The following RGS17 variants were observed in gnomAD, a reference collection of about 807,000 sequenced individuals.
RGS17 encodes regulator of G-protein signaling 17.
Under a neutral mutation model 25.5 loss-of-function variants are expected in RGS17, and 12 were observed. The ratio of observed to expected loss-of-function variants is 0.47; its 90% CI spans 0.30 to 0.76. RGS17 has a LOEUF of 0.76. Ranked by LOEUF, RGS17 falls within the 30% of genes least tolerant of loss-of-function variation. The probability of loss-of-function intolerance (pLI) is 0.07; values close to 1 mark genes in which losing one functional copy is unlikely to be tolerated. For missense variants in RGS17, 196 were observed against 242.2 expected (o/e 0.81, Z 1.27); for synonymous variants, 71 against 76.9 (o/e 0.92, Z 0.40).
At chr6:153,019,250 C>T (rs1360022094) in intron 4 of RGS17, among the ~76,000 whole-genome samples, 1 of 152,208 alleles carries the variant, frequency 6.6e-6, no homozygotes, top group Non-Finnish European at 1.5e-5. Flanking sequence ...CTGGTAACGA[C>T]AACGCCATCA....
At chr6:153,054,251 A>G (rs1776521563) in intron 1 of RGS17, among the ~76,000 whole-genome samples, 1 of 150,682 alleles carries the variant, frequency 6.6e-6, no homozygotes, top group Non-Finnish European at 1.5e-5. Flanking sequence ...CAATATTGAA[A>G]CATTCAGAGG....
intron 1 of RGS17, among the ~76,000 whole-genome samples, chr6:153,120,834 G>C (rs1278090075): frequency 7.7e-6 from 1 of 130,140 alleles, no homozygotes; most frequent in East Asian, 3.4e-4. Flanking sequence ...CATTGTTTTT[G>C]AGCCTGGAGA....
At chr6:153,074,901 C>T (rs1029592758) in intron 1 of RGS17, among the ~76,000 whole-genome samples, 3 of 152,108 alleles carry the variant, frequency 2.0e-5, no homozygotes, top group Non-Finnish European at 2.9e-5. Context: ...TCTTTGGAAG[C>T]ACACTTTTAC....
At chr6:153,090,622 G>A (rs1305094969) in intron 1 of RGS17, among the ~76,000 whole-genome samples, 1 of 151,650 alleles carries the variant, frequency 6.6e-6, no homozygotes, top group Non-Finnish European at 1.5e-5. Flanking sequence ...ATGAGGCCTT[G>A]TCACAAAAAA....
Position 153,044,402 on chromosome 6 carries a change from T to C in RGS17, c.-25-359A>G, listed in dbSNP as rs901388435. ...TTTTATGGACACCATTCGGTGATTA[T>C]AGAGGGTGTATGTAACTCGTTTTTC... is the stretch of plus-strand genomic sequence containing the variant. On this transcript the variant is annotated intron_variant, in intron 1 of 4. Coordinates refer to ENST00000206262, the MANE Select transcript of RGS17 (RefSeq NM_012419.5). 2.0e-5 allele frequency among the ~76,000 whole-genome samples: 3 copies of C among 152,208 alleles called. 1 individual carries two copies. The highest frequency in any genetic ancestry group is 1.3e-4 in the Admixed American group (2 of 15,276).
chr6:153,086,770 T>G (rs1475909094), intron 1 of RGS17, among the ~76,000 whole-genome samples: 1 of 152,218 alleles, frequency 6.6e-6, no homozygotes, highest in Non-Finnish European at 1.5e-5. Context: ...ATGTCCCATA[T>G]GAACCCAGGA....
chr6:153,069,548 TAGCACA>T (rs1214110819), intron 1 of RGS17, among the ~76,000 whole-genome samples: 2 of 152,162 alleles, frequency 1.3e-5, no homozygotes, highest in Non-Finnish European at 2.9e-5. Context: ...TACCATTTGA[TAGCACA>T]ACAGTGTGAC....
chr6:153,079,920 A>G lies in RGS17; in HGVS notation c.-25-35877T>C, dbSNP rs904916438. 1.5e-4 allele frequency among the ~76,000 whole-genome samples: 23 copies of G among 152,176 alleles called. No individual in the cohort carries two copies. The South Asian group carries it at 3.1e-3, about 21-fold the overall frequency. On this transcript the variant is annotated intron_variant, in intron 1 of 4. Coordinates refer to ENST00000206262, the MANE Select transcript of RGS17 (RefSeq NM_012419.5). ...AGTTATTTGGACCTTATTTGGGGAG[A>G]AGTTTTAAAGTTTTGGATTCCAAAC...
intron 1 of RGS17, among the ~76,000 whole-genome samples, chr6:153,093,824 T>C (rs1777167147): frequency 6.6e-6 from 1 of 152,156 alleles, no homozygotes; most frequent in Non-Finnish European, 1.5e-5. Flanking sequence ...GTCAGGGGAC[T>C]TGAACTTCAG....
chr6:153,076,450 A>C (rs904075278), intron 1 of RGS17, among the ~76,000 whole-genome samples: 2 of 152,186 alleles, frequency 1.3e-5, no homozygotes, highest in African/African-American at 4.8e-5. Context: ...TCCACTGGAA[A>C]GTCTCAGAAG....
At chr6:153,060,155 G>T (rs151239776) in intron 1 of RGS17, among the ~76,000 whole-genome samples, 1 of 152,164 alleles carries the variant, frequency 6.6e-6, no homozygotes, top group African/African-American at 2.4e-5. Context: ...AGAAGGACAC[G>T]GAGTGTCCTA....
At chr6:153,042,903 A>T (rs1485033569) in intron 2 of RGS17, among the ~76,000 whole-genome samples, 2 of 152,222 alleles carry the variant, frequency 1.3e-5, no homozygotes, top group African/African-American at 4.8e-5. Context: ...GATGACTCCA[A>T]CATATGGGCC....
At chr6:153,122,780 A>G (rs1777650817) in intron 1 of RGS17, among the ~76,000 whole-genome samples, 1 of 152,054 alleles carries the variant, frequency 6.6e-6, no homozygotes, top group Non-Finnish European at 1.5e-5. Flanking sequence ...ATGTATGAAA[A>G]GCAAAGATGC....
intron 1 of RGS17, among the ~76,000 whole-genome samples, chr6:153,086,039 C>T (rs1224756421): frequency 6.6e-6 from 1 of 152,120 alleles, no homozygotes; most frequent in Non-Finnish European, 1.5e-5. Flanking sequence ...AAGATAATTA[C>T]GTCCCTACTA....
chr6:153,081,635 C>T (rs1776982524), intron 1 of RGS17, among the ~76,000 whole-genome samples: 1 of 151,806 alleles, frequency 6.6e-6, no homozygotes, highest in South Asian at 2.1e-4. Flanking sequence ...TTTTTTTCCC[C>T]CTCTTTTTTC....
chr6:153,094,348 G>A (rs1777176350), intron 1 of RGS17, among the ~76,000 whole-genome samples: 1 of 152,096 alleles, frequency 6.6e-6, no homozygotes, highest in South Asian at 2.1e-4. Flanking sequence ...CGAAGTGCAA[G>A]GATTACAGGC....
chr6:153,049,620 G>A (rs556920464), intron 1 of RGS17, among the ~76,000 whole-genome samples: 8 of 152,088 alleles, frequency 5.3e-5, no homozygotes, highest in South Asian at 2.1e-4. Context: ...GTGTGGTGGC[G>A]GGCGACTGTA....
intron 1 of RGS17, among the ~76,000 whole-genome samples, chr6:153,128,009 G>T (rs1275272115): frequency 6.6e-6 from 1 of 152,234 alleles, no homozygotes; most frequent in Non-Finnish European, 1.5e-5. Context: ...AGTTAGGAAA[G>T]TGTCTTTTTT....
intron 1 of RGS17, among the ~76,000 whole-genome samples, chr6:153,055,537 T>C (rs1267407752): frequency 1.3e-5 from 2 of 151,710 alleles, no homozygotes; most frequent in Non-Finnish European, 2.9e-5. Context: ...AAGAAGGACA[T>C]ACCTGTGCAC....
Sources: allele counts gnomAD v4.1 joint callset (sites outside exome capture counted in the v4.1 genomes callset), GRCh38; gene constraint gnomAD v4.1.1; transcripts MANE v1.5; gene names NCBI Gene and HGNC (gene_info 2026-07-23, HGNC 2026-07-21).